The following STAG1 variants were observed in gnomAD, a reference collection of about 807,000 sequenced individuals.
STAG1 encodes the protein cohesin subunit SA-1.
A neutral mutation model predicts 170.9 loss-of-function variants in STAG1; 26 were observed. That is an observed-to-expected ratio of 0.15 (90% confidence interval 0.11 to 0.21). The LOEUF (loss-of-function observed/expected upper bound fraction) is 0.21, where lower values mean the gene tolerates loss of function less well. Among genes scored for constraint, STAG1 ranks in the 10% least tolerant of loss-of-function variants. The pLI is 1.00. For synonymous variants in STAG1, 514 were observed against 497.7 expected (o/e 1.03, Z -0.44); for missense variants, 964 against 1,509.5 (o/e 0.64, Z 5.99).
intron 22 of STAG1, among the ~76,000 whole-genome samples, chr3:136,392,591 C>A (rs902052089): frequency 2.0e-5 from 3 of 151,692 alleles, no homozygotes; most frequent in Admixed American, 2.0e-4. Flanking sequence ...ACGGTGAAAC[C>A]CCGTCTCTGC....
At chr3:136,725,116 T>G (rs1933584712) in intron 1 of STAG1, among the ~76,000 whole-genome samples, 1 of 152,218 alleles carries the variant, frequency 6.6e-6, no homozygotes, top group African/African-American at 2.4e-5. Flanking sequence ...AACATTTCTG[T>G]GTAAATCTAG....
chr3:136,351,267 T>C (rs934274935), intron 28 of STAG1, among the ~76,000 whole-genome samples: 1 of 152,134 alleles, frequency 6.6e-6, no homozygotes, highest in African/African-American at 2.4e-5. Context: ...TAACTTGGCA[T>C]TTCACATATT....
intron 30 of STAG1, among the ~76,000 whole-genome samples, chr3:136,342,432 C>T (rs1367637090): frequency 6.6e-6 from 1 of 151,744 alleles, no homozygotes; most frequent in Non-Finnish European, 1.5e-5. Flanking sequence ...GCTGCTCTCA[C>T]CTCAGCCTTC....
intron 1 of STAG1, among the ~76,000 whole-genome samples, chr3:136,651,472 A>G (rs2107856299): frequency 6.6e-6 from 1 of 152,184 alleles, no homozygotes; most frequent in South Asian, 2.1e-4. Context: ...TGTAAATATT[A>G]AAATATTAAA....
intron 1 of STAG1, among the ~76,000 whole-genome samples, chr3:136,713,828 C>A (rs1943450896): frequency 6.6e-6 from 1 of 151,948 alleles, no homozygotes; most frequent in South Asian, 2.1e-4. Flanking sequence ...TTTAAGACCG[C>A]CCTAGCCAAC....
chr3:136,572,311 A>G (rs1045656803), intron 4 of STAG1, among the ~76,000 whole-genome samples: 1 of 152,116 alleles, frequency 6.6e-6, no homozygotes, highest in African/African-American at 2.4e-5. Context: ...ATAGTAAACA[A>G]GGCCAGGCAC....
chr3:136,460,516 C>T (rs530882176), intron 13 of STAG1, among the ~76,000 whole-genome samples: 5 of 152,142 alleles, frequency 3.3e-5, no homozygotes, highest in South Asian at 2.1e-4. Flanking sequence ...GCAGTAGAAT[C>T]GCTTGAACCC....
chr3:136,451,207 C>T (rs774333001), intron 14 of STAG1, among the ~76,000 whole-genome samples: 10 of 149,558 alleles, frequency 6.7e-5, no homozygotes, highest in African/African-American at 1.7e-4. Context: ...GTGGAAAAAC[C>T]GAAGTTTACT....
chr3:136,514,904 G>A (rs1276891513), intron 7 of STAG1, among the ~76,000 whole-genome samples: 2 of 152,042 alleles, frequency 1.3e-5, no homozygotes, highest in Non-Finnish European at 2.9e-5. Flanking sequence ...ACACACCAGG[G>A]CCTGTCGTGG....
At chr3:136,563,556 G>A (rs1368574199) in intron 5 of STAG1, among the ~76,000 whole-genome samples, 1 of 144,668 alleles carries the variant, frequency 6.9e-6, no homozygotes, top group African/African-American at 2.6e-5. Flanking sequence ...TCTCTCTCTC[G>A]CTCTTTAGGT....
At chr3:136,492,099 T>C (rs2090135485) in intron 9 of STAG1, among the ~76,000 whole-genome samples, 2 of 152,248 alleles carry the variant, frequency 1.3e-5, no homozygotes, top group Admixed American at 1.3e-4. Flanking sequence ...GCATAGTACC[T>C]ACTACTTCCA....
At chr3:136,565,371 G>C (rs775066011) in intron 5 of STAG1, among the ~76,000 whole-genome samples, 9 of 152,146 alleles carry the variant, frequency 5.9e-5, no homozygotes, top group Admixed American at 6.5e-5. Context: ...CAAAGGACTT[G>C]AATGTATATT....
intron 1 of STAG1, among the ~76,000 whole-genome samples, chr3:136,684,110 G>T (rs985701744): frequency 6.6e-5 from 10 of 152,168 alleles, no homozygotes; most frequent in Non-Finnish European, 1.3e-4. Context: ...TTCTCAACTT[G>T]ATTTATAGAT....
intron 27 of STAG1, among the ~76,000 whole-genome samples, chr3:136,358,922 AAT>A (rs1936756997): frequency 6.6e-6 from 1 of 152,140 alleles, no homozygotes; most frequent in African/African-American, 2.4e-5. Context: ...ACCAGACAAT[AAT>A]ATGTTATTAA....
At chr3:136,706,963 T>C (rs893918399) in intron 1 of STAG1, among the ~76,000 whole-genome samples, 6 of 152,198 alleles carry the variant, frequency 3.9e-5, no homozygotes, top group Admixed American at 3.9e-4. Flanking sequence ...AGAAATAGTC[T>C]CTTCAACAAA....
At chr3:136,604,222 T>G in intron 4 of STAG1, 87 bp downstream of exon 4, 1 of 1,206,944 alleles carries the variant, frequency 8.3e-7, no homozygotes, top group Non-Finnish European at 1.1e-6. Context: ...AACAGAAGTA[T>G]ATAAAGTGCC....
At chr3:136,679,007 A>AT (rs1942242617) in intron 1 of STAG1, among the ~76,000 whole-genome samples, 1 of 151,460 alleles carries the variant, frequency 6.6e-6, no homozygotes. Flanking sequence ...AAAAAAAAAA[A>AT]AAAACAAATG....
At chr3:136,668,423 A>G (rs1334994743) in intron 1 of STAG1, among the ~76,000 whole-genome samples, 2 of 146,596 alleles carry the variant, frequency 1.4e-5, no homozygotes, top group East Asian at 1.9e-4. Context: ...TATAAAATAT[A>G]TAACATTTAT....
At chr3:136,357,694 C>A in intron 28 of STAG1, 26 bp downstream of exon 28, 2 of 1,544,186 alleles carry the variant, frequency 1.3e-6, no homozygotes, top group South Asian at 1.3e-5. Context: ...TTATAAAAAC[C>A]ACTTCTCTTG....
Sources: gnomAD v4.1 joint callset for allele counts (sites outside exome capture counted in the v4.1 genomes callset) on GRCh38, gnomAD v4.1.1 for gene constraint, MANE v1.5 for transcripts, NCBI Gene and HGNC (gene_info 2026-07-23, HGNC 2026-07-21) for gene names.